GRK7: variants seen among roughly 807,000 people sequenced by gnomAD.
GRK7 encodes rhodopsin kinase GRK7.
In GRK7, 24 loss-of-function variants were observed where a neutral mutation model predicts 34.1. That is an observed-to-expected ratio of 0.70 (90% CI 0.51 to 0.99). GRK7 has a LOEUF of 0.99. Ranked by LOEUF, GRK7 falls within the 50% of genes least tolerant of loss-of-function variation. The probability of loss-of-function intolerance (pLI) is 0.00; values close to 1 mark genes in which losing one functional copy is unlikely to be tolerated. For missense variants in GRK7, 644 were observed against 707.3 expected, an observed-to-expected ratio of 0.91 and a Z score of 1.02; for synonymous variants, 256 against 279.4, an observed-to-expected ratio of 0.92 and a Z score of 0.84.
Position 141,778,327 on chromosome 3 carries a change from G to A in GRK7, c.43G>A (p.Ala15Thr), listed in dbSNP as rs142109851. 23 of 1,600,190 alleles carry A rather than the reference G, an allele frequency of 1.4e-5. No homozygotes were observed. Among genetic ancestry groups the A allele is most frequent in the East Asian group, 2.2e-5 (1 of 44,608 alleles). Residue 15 changes from alanine (A) to threonine (T), a missense_variant, in exon 3 of 6, where the codon GCC (alanine) becomes ACC (threonine). Ala to Thr is a moderately conservative substitution (Grantham distance 58, BLOSUM62 0). Transcript: ENST00000682958. The surrounding 1 kb of genome is among the most constrained non-coding windows in gnomAD (Gnocchi z 4.1). ...GALDNLIANT[A>T]YLQARKPSDC... ...CCTGGACAACCTGATCGCCAACACC[G>A]CCTACCTGCAGGCCCGGAAGCCCTC...
At chr3:141,770,334 G>T (rs2084611145) in intron 1 of GRK7, among the ~76,000 whole-genome samples, 1 of 152,150 alleles carries the variant, frequency 6.6e-6, no homozygotes, top group South Asian at 2.1e-4. Context: ...TATAAAATGT[G>T]TGTTACCTTA....
At chr3:141,808,720 A>C (rs1202689041) in intron 5 of GRK7, among the ~76,000 whole-genome samples, 1 of 150,402 alleles carries the variant, frequency 6.6e-6, no homozygotes, top group Non-Finnish European at 1.5e-5. Flanking sequence ...CTCAAAAAAA[A>C]AGAAAGAAAG....
intron 4 of GRK7, among the ~76,000 whole-genome samples, chr3:141,798,811 C>G (rs1710919128): frequency 6.6e-6 from 1 of 152,244 alleles, no homozygotes; most frequent in African/African-American, 2.4e-5. Context: ...TTCCATTCTC[C>G]TCAGTGAAAT....
At chr3:141,785,342 A>G (rs2084690767) in intron 4 of GRK7, among the ~76,000 whole-genome samples, 1 of 152,218 alleles carries the variant, frequency 6.6e-6, no homozygotes, top group Non-Finnish European at 1.5e-5. Context: ...AATTTCACGG[A>G]CAAGACCTCT....
In GRK7 at chr3:141,819,149, C is replaced by T. The variant is rs17787802; in HGVS notation, c.*2099C>T. 0.1 allele frequency among the ~76,000 whole-genome samples: 15,508 copies of T among 152,038 alleles called. 1,055 individuals carry two copies. The highest frequency in any genetic ancestry group is 0.17 in the Middle Eastern group (51 of 294). On this transcript the variant is annotated 3_prime_UTR_variant, in exon 6 of 6. Coordinates refer to ENST00000682958, the MANE Select transcript of GRK7 (RefSeq NM_139209.3). ...TGGTGATTAACAGAAATCCAATTAA[C>T]CAGAGCACTCCAATGGTAGAGTTCT... is the stretch of plus-strand genomic sequence containing the variant.
chr3:141,753,162 C>CT, the GRK7 span, among the ~76,000 whole-genome samples: 3 of 152,354 alleles, frequency 2.0e-5, no homozygotes, highest in East Asian at 5.8e-4. Context: ...TTGCTTAACA[C>CT]TGTCTCAGTA....
chr3:141,795,812 GAGA>G (rs1420908338), intron 4 of GRK7, among the ~76,000 whole-genome samples: 4 of 152,174 alleles, frequency 2.6e-5, no homozygotes, highest in East Asian at 3.9e-4. Flanking sequence ...TTACATCAAA[GAGA>G]AGGAGTTAGA....
At chr3:141,775,841 A>T (rs1049900358) in intron 2 of GRK7, among the ~76,000 whole-genome samples, 1 of 151,944 alleles carries the variant, frequency 6.6e-6, no homozygotes, top group Admixed American at 6.6e-5. Context: ...TTAATTACAT[A>T]TGTGGCTTCA....
chr3:141,785,988 C>A (rs1166568004), intron 4 of GRK7, among the ~76,000 whole-genome samples: 1 of 151,518 alleles, frequency 6.6e-6, no homozygotes, highest in Non-Finnish European at 1.5e-5. Context: ...TCACAAGTGG[C>A]TGTTGCAACT....
At chr3:141,786,655 G>A (rs541196103) in intron 4 of GRK7, among the ~76,000 whole-genome samples, 7 of 152,182 alleles carry the variant, frequency 4.6e-5, no homozygotes, top group East Asian at 1.9e-4. Context: ...GCACGTGCCT[G>A]TAGTCCCAGC....
At chr3:141,797,848 A>T (rs1170775312) in intron 4 of GRK7, among the ~76,000 whole-genome samples, 2 of 151,330 alleles carry the variant, frequency 1.3e-5, no homozygotes, top group Non-Finnish European at 2.9e-5. Context: ...ATTTAATGGG[A>T]GGTGGAGGGT....
intron 4 of GRK7, among the ~76,000 whole-genome samples, chr3:141,790,113 C>T (rs1256753441): frequency 2.6e-5 from 4 of 152,044 alleles, no homozygotes; most frequent in Non-Finnish European, 4.4e-5. Flanking sequence ...GTGATTCTCC[C>T]GCCTCAGCCT....
chr3:141,807,600 T>A, intron 4 of GRK7, 45 bp from the exon 5 acceptor site: 2 of 1,552,316 alleles, frequency 1.3e-6, no homozygotes, highest in Non-Finnish European at 8.9e-7. Context: ...CTCACCTTAG[T>A]GTCTTTGTTC....
At chr3:141,768,211 A>C (rs1254585872) in intron 1 of GRK7, among the ~76,000 whole-genome samples, 1 of 151,018 alleles carries the variant, frequency 6.6e-6, no homozygotes, top group African/African-American at 2.4e-5. Flanking sequence ...CTTCGTCCTA[A>C]GGCCAATCCT....
chr3:141,774,779 GATTATTATTATTATT>G (rs72103272), intron 2 of GRK7, among the ~76,000 whole-genome samples, 99 bp downstream of exon 2: 42,742 of 147,766 alleles, frequency 0.29, 6,820 homozygotes, highest in East Asian at 0.43. Flanking sequence ...TCACCAGTCA[GATTATTATTATTATT>G]ATTATTATTA....
intron 4 of GRK7, among the ~76,000 whole-genome samples, chr3:141,802,575 A>G (rs1710981704): frequency 6.6e-6 from 1 of 152,084 alleles, no homozygotes; most frequent in African/African-American, 2.4e-5. Context: ...ATACCTTCCT[A>G]CATTCCCTCT....
Position 141,775,791 on chromosome 3 carries a change from G to GT in GRK7, c.-114+1121dup, listed in dbSNP as rs72187047. ...ATAACTATTAAAGTTAATTTCGCCT[G>GT]TTTTTTTTTTATCATATTAATGTAG... On this transcript the variant is annotated intron_variant, in intron 2 of 5. Coordinates refer to ENST00000682958, the MANE Select transcript of GRK7 (RefSeq NM_139209.3). 7.3e-3 allele frequency among the ~76,000 whole-genome samples: 1,077 copies of GT among 147,814 alleles called. 3 individuals carry two copies. The highest frequency in any genetic ancestry group is 0.012 in the East Asian group (61 of 5,058).
intron 4 of GRK7, among the ~76,000 whole-genome samples, chr3:141,789,699 G>A (rs556606446): frequency 6.7e-6 from 1 of 149,432 alleles, no homozygotes; most frequent in Admixed American, 6.7e-5. Flanking sequence ...CCTAATAACT[G>A]CTGTTACCTC....
At chr3:141,794,116 C>T (rs1353539851) in intron 4 of GRK7, among the ~76,000 whole-genome samples, 1 of 152,170 alleles carries the variant, frequency 6.6e-6, no homozygotes, top group Non-Finnish European at 1.5e-5. Context: ...GCCATGAACC[C>T]ATCCCGGGGA....
Sources: allele counts gnomAD v4.1 joint callset (sites outside exome capture counted in the v4.1 genomes callset), GRCh38; gene constraint gnomAD v4.1.1; non-coding constraint Gnocchi (gnomAD v3.1); transcripts MANE v1.5; gene names NCBI Gene and HGNC (gene_info 2026-07-23, HGNC 2026-07-21).